The following PTPN14 variants were observed in gnomAD, a reference collection of about 807,000 sequenced individuals.
The protein encoded by PTPN14 is tyrosine-protein phosphatase non-receptor type 14.
PTPN14 carries 53 observed loss-of-function variants against 126.8 expected under a neutral mutation model. The observed-to-expected ratio is 0.42, with a 90% CI of 0.34 to 0.53. The LOEUF is 0.53. Ranked by LOEUF, PTPN14 falls within the 20% of genes least tolerant of loss-of-function variation. PTPN14 has a pLI of 0.08. For synonymous variants in PTPN14, 630 were observed against 599.3 expected (o/e 1.05, Z -0.75); for missense variants, 1,257 against 1,552.9 (o/e 0.81, Z 3.20).
chr1:214,384,785 C>T lies in PTPN14; in HGVS notation c.1070G>A (p.Ser357Asn). The part of the protein sequence containing the change: ...HYSETHTSQD[S>N]IFHGNEEALY... ...GGCTTCTTCATTCCCATGAAAAATG[C>T]TGTCTACAAGAAGTCAAACAAAGGC... Residue 357 changes from serine to asparagine, a missense_variant, in exon 13 of 19, where the codon AGC becomes AAC. Ser to Asn is a conservative substitution (Grantham distance 46, BLOSUM62 1). Coordinates refer to ENST00000366956, the MANE Select transcript of PTPN14 (RefSeq NM_005401.5). This position sits in a 1 kb window ranked among gnomAD's most constrained non-coding sequence, Gnocchi z 5.3. 1 of 1,610,320 alleles carries T rather than the reference C, an allele frequency of 6.2e-7. No individual in the cohort carries two copies. The highest frequency in any genetic ancestry group is 8.5e-7 in the Non-Finnish European group (1 of 1,178,136).
intron 8 of PTPN14, among the ~76,000 whole-genome samples, chr1:214,395,537 C>T (rs1658856742): frequency 6.6e-6 from 1 of 150,570 alleles, no homozygotes; most frequent in African/African-American, 2.4e-5. Context: ...ATGCCTGCCA[C>T]TAAGTATAAA....
At chr1:214,358,279 A>C in intron 18 of PTPN14, among the ~76,000 whole-genome samples, 1 of 152,104 alleles carries the variant, frequency 6.6e-6, no homozygotes, top group East Asian at 1.9e-4. Flanking sequence ...TTTAATTTCA[A>C]ATTTTCTGAG....
At chr1:214,478,425 T>A (rs74142712) in intron 1 of PTPN14, among the ~76,000 whole-genome samples, 2,706 of 152,296 alleles carry the variant, frequency 0.018, 85 homozygotes, top group African/African-American at 0.062. Context: ...TGTTTAGGTT[T>A]ATATGAGCTT....
intron 1 of PTPN14, among the ~76,000 whole-genome samples, chr1:214,470,858 A>AAC (rs1553269818): frequency 1.4e-5 from 2 of 143,140 alleles, no homozygotes; most frequent in Admixed American, 7.1e-5. Context: ...TACTAAAAAA[A>AAC]ATATATATAT....
In PTPN14 at chr1:214,357,545, G is replaced by A. The variant is rs1657852045; in HGVS notation, c.*377C>T. ...ATTAAGCTGATGAATTTCAGGGTTG[G>A]TTACAAATCTGGCTGCAACTTCACA... On this transcript the variant is annotated 3_prime_UTR_variant, in exon 19 of 19. Coordinates refer to ENST00000366956, the MANE Select transcript of PTPN14 (RefSeq NM_005401.5). 6.4e-6 allele frequency: 1 copy of A among 156,152 alleles called. No individual in the cohort carries two copies. The highest frequency in any genetic ancestry group is 1.4e-5 in the Non-Finnish European group (1 of 70,916). 9.7% of individuals were successfully genotyped at this position (156,152 alleles called of 1,614,324 possible). A position where few individuals can be genotyped will look rare whatever the true frequency, so the allele number is the denominator to read the frequency against.
rs890127656 is a variant in PTPN14 at position 214,452,028 on chromosome 1, G to A, written c.175-54C>T. Reference sequence around the variant, plus strand: ...TCATGCTCACCACAAGCATCCCAAGGCCACACAAGAAACGAGACTCCAGCA... The same window carrying A: ...TCATGCTCACCACAAGCATCCCAAGACCACACAAGAAACGAGACTCCAGCA... On this transcript the variant is annotated intron_variant, in intron 2 of 18. Transcript: ENST00000366956. The A allele has an allele frequency of 3.9e-6, 6 of 1,552,052 alleles. No individual in the cohort carries two copies. The African/African-American group carries it at 8.2e-5, about 21-fold the overall frequency.
chr1:214,366,268 G>A (rs1338548327), intron 17 of PTPN14, among the ~76,000 whole-genome samples: 3 of 152,192 alleles, frequency 2.0e-5, no homozygotes, highest in Admixed American at 2.0e-4. Flanking sequence ...GATATTGTGT[G>A]TGGAATCTTC....
rs1329906493 is a variant in PTPN14 at position 214,461,697 on chromosome 1, C to T, written c.174+2933G>A. Among the ~76,000 whole-genome samples the T allele has an allele frequency of 1.3e-5, 2 of 152,026 alleles. 1 individual carries two copies. The highest frequency in any genetic ancestry group is 4.8e-5 in the African/African-American group (2 of 41,402). ...GTGTGGCTCACACCTGTAATCCCAG[C>T]ACTTTGGGAGACCAAGGCAGGAAGA... On this transcript the variant is annotated intron_variant, in intron 2 of 18. Coordinates refer to ENST00000366956, the MANE Select transcript of PTPN14 (RefSeq NM_005401.5).
intron 5 of PTPN14, among the ~76,000 whole-genome samples, chr1:214,403,483 T>C (rs1234594933): frequency 6.6e-6 from 1 of 152,016 alleles, no homozygotes; most frequent in East Asian, 1.9e-4. Context: ...GGCTAAAACA[T>C]CTCCAGAGAG....
At chr1:214,433,922 C>CCA (rs1186419218) in intron 3 of PTPN14, among the ~76,000 whole-genome samples, 66 of 123,830 alleles carry the variant, frequency 5.3e-4, no homozygotes, top group East Asian at 9.7e-4. Flanking sequence ...GACATTATTT[C>CCA]CACACACACA....
Position 214,364,684 on chromosome 1 carries a change from C to A in PTPN14, c.3272-9G>T, listed in dbSNP as rs1216514029. ...GATCTCCTCCAAGTAGGCTGCAGGA[C>A]AAAATGCAAATTCTGTCACCAAAGT... On this transcript the variant is annotated splice_polypyrimidine_tract_variant and intron_variant, in intron 17 of 18. Transcript: ENST00000366956. The surrounding 1 kb of genome is among the most constrained non-coding windows in gnomAD (Gnocchi z 4.1). 6.2e-7 allele frequency: 1 copy of A among 1,606,492 alleles called. No individual in the cohort carries two copies.
chr1:214,353,974 G>C lies in PTPN14; in HGVS notation c.*3948C>G, dbSNP rs964604648. On this transcript the variant is annotated 3_prime_UTR_variant, in exon 19 of 19. Coordinates refer to ENST00000366956, the MANE Select transcript of PTPN14 (RefSeq NM_005401.5). ...TTTCATATGGGTCAATCTATATTAA[G>C]CTGGAAAAATAATCAGCTGGATGAA... is the stretch of plus-strand genomic sequence containing the variant. 1 of 152,198 alleles carries C rather than the reference G, an allele frequency of 6.6e-6. No homozygotes were observed. Among genetic ancestry groups the C allele is most frequent in the Admixed American group, 6.5e-5 (1 of 15,280 alleles). The allele number at this position is 152,198 out of a possible 1,614,324, so 9.4% of individuals were successfully genotyped here.
intron 1 of PTPN14, among the ~76,000 whole-genome samples, chr1:214,513,068 T>G (rs1273033558): frequency 4.0e-5 from 6 of 151,486 alleles, no homozygotes; most frequent in Non-Finnish European, 8.9e-5. Context: ...ACTAGAAGGA[T>G]GTAACCTTTG....
intron 3 of PTPN14, among the ~76,000 whole-genome samples, chr1:214,430,173 C>T (rs371423437): frequency 7.9e-5 from 12 of 152,280 alleles, no homozygotes; most frequent in African/African-American, 2.6e-4. Flanking sequence ...TACATAATTT[C>T]CTTGGCTCGG....
chr1:214,381,561 C>T (rs554418365), intron 13 of PTPN14, among the ~76,000 whole-genome samples: 20 of 152,314 alleles, frequency 1.3e-4, no homozygotes, highest in African/African-American at 4.6e-4. Flanking sequence ...CTGGCCAGAA[C>T]TGTGAGGTTG....
intron 3 of PTPN14, among the ~76,000 whole-genome samples, chr1:214,444,053 CT>C (rs1184442219): frequency 6.6e-6 from 1 of 152,146 alleles, no homozygotes; most frequent in Non-Finnish European, 1.5e-5. Context: ...AGCAAAGTGT[CT>C]AACACAGAAT....
chr1:214,485,603 T>C (rs1661092004), intron 1 of PTPN14, among the ~76,000 whole-genome samples: 1 of 152,124 alleles, frequency 6.6e-6, no homozygotes, highest in African/African-American at 2.4e-5. Flanking sequence ...GACTTCCAAC[T>C]CCTCACCTCC....
At chr1:214,387,516 A>T (rs1658648473) in intron 11 of PTPN14, among the ~76,000 whole-genome samples, 1 of 152,050 alleles carries the variant, frequency 6.6e-6, no homozygotes, top group Non-Finnish European at 1.5e-5. Context: ...GTCTCCAAGA[A>T]AAAAAGAAAA....
chr1:214,384,335 C>T lies in PTPN14; in HGVS notation c.1520G>A (p.Ser507Asn), dbSNP rs753895421. The change falls in exon 13 of 19, where the codon AGC (serine) becomes AAC (asparagine). Residue 507 changes from serine (S) to asparagine (N), a missense_variant. By Grantham distance (46) the Ser-to-Asn change is conservative (BLOSUM62 1). Coordinates refer to ENST00000366956, the MANE Select transcript of PTPN14 (RefSeq NM_005401.5). The surrounding 1 kb of genome is among the most constrained non-coding windows in gnomAD (Gnocchi z 5.3). ...TVPYGPQGVY[S>N]NKLVSPSDQR... ...GTCAGATGGACTGACAAGTTTGTTGCTGTAGACCCCCTGTGGCCCATAAGG... is the reference window on the plus strand; with the variant it reads ...GTCAGATGGACTGACAAGTTTGTTGTTGTAGACCCCCTGTGGCCCATAAGG... The T allele has an allele frequency of 6.2e-7, 1 of 1,614,160 alleles. No individual in the cohort carries two copies. Among genetic ancestry groups the T allele is most frequent in the South Asian group, 1.1e-5 (1 of 91,084 alleles).
Sources: gnomAD v4.1 joint callset for allele counts (sites outside exome capture counted in the v4.1 genomes callset) on GRCh38, gnomAD v4.1.1 for gene constraint, Gnocchi (gnomAD v3.1) non-coding constraint, MANE v1.5 for transcripts, NCBI Gene and HGNC (gene_info 2026-07-23, HGNC 2026-07-21) for gene names.